Variants in AK7 observed in about 807,000 individuals in gnomAD.
The protein encoded by AK7 is adenylate kinase 7, also known as ATP-AMP transphosphorylase 7.
Under a neutral mutation model 96.6 loss-of-function variants are expected in AK7, and 78 were observed. The observed-to-expected ratio is 0.81, with a 90% CI of 0.67 to 0.97. AK7 has a LOEUF of 0.97. AK7 is among the 50% of genes least tolerant of loss of function. The pLI is 0.00. For synonymous variants in AK7, 302 were observed against 317.2 expected (o/e 0.95, Z 0.51); for missense variants, 855 against 887.9 (o/e 0.96, Z 0.47).
chr14:96,408,748 TG>T, intron 3 of AK7, 98 bp from the exon 4 acceptor site: 2 of 992,510 alleles, frequency 2.0e-6, no homozygotes, highest in Non-Finnish European at 3.1e-6. Context: ...AACAGCACCC[TG>T]GTGTTAAGTG....
intron 4 of AK7, among the ~76,000 whole-genome samples, chr14:96,411,863 A>G (rs547092393): frequency 3.9e-5 from 6 of 152,266 alleles, no homozygotes; most frequent in Non-Finnish European, 8.8e-5. Flanking sequence ...AATCAGAAAG[A>G]AGACATGTTA....
intron 16 of AK7, among the ~76,000 whole-genome samples, chr14:96,484,718 T>C (rs1267329285): frequency 2.6e-5 from 4 of 152,248 alleles, no homozygotes; most frequent in Admixed American, 6.5e-5. Flanking sequence ...TTTTATACTT[T>C]TTAATTTTCC....
intron 10 of AK7, among the ~76,000 whole-genome samples, chr14:96,452,002 A>G (rs1040185493): frequency 1.3e-5 from 2 of 152,202 alleles, no homozygotes; most frequent in African/African-American, 4.8e-5. Context: ...CTGGGTATAC[A>G]TGTGGGAGGT....
chr14:96,485,998 G>A (rs1036593610), intron 16 of AK7, among the ~76,000 whole-genome samples: 8 of 151,838 alleles, frequency 5.3e-5, no homozygotes, highest in Non-Finnish European at 1.2e-4. Flanking sequence ...GGGTTTCACC[G>A]TGGTCTCGAT....
At chr14:96,480,222 A>G (rs1895436501) in intron 15 of AK7, among the ~76,000 whole-genome samples, 1 of 152,202 alleles carries the variant, frequency 6.6e-6, no homozygotes, top group Non-Finnish European at 1.5e-5. Flanking sequence ...ATCTGAGGTC[A>G]GGAGTTCAAG....
intron 5 of AK7, chr14:96,424,082 C>A: frequency 1.4e-6 from 1 of 702,934 alleles, no homozygotes. Flanking sequence ...CTGTTCTTCA[C>A]CTGGGTGGGA....
intron 5 of AK7, among the ~76,000 whole-genome samples, chr14:96,422,924 A>AT (rs1891793591): frequency 6.6e-6 from 1 of 152,268 alleles, no homozygotes; most frequent in Non-Finnish European, 1.5e-5. Flanking sequence ...GATGATGATG[A>AT]TTTTTCATTC....
chr14:96,404,145 C>G (rs1486498300), intron 2 of AK7, among the ~76,000 whole-genome samples: 1 of 85,440 alleles, frequency 1.2e-5, no homozygotes, highest in Non-Finnish European at 2.1e-5. Context: ...AACTGTGTCT[C>G]AAATTAAAAA....
At chr14:96,406,049 G>A (rs1220328997) in intron 3 of AK7, among the ~76,000 whole-genome samples, 3 of 124,508 alleles carry the variant, frequency 2.4e-5, no homozygotes, top group African/African-American at 9.6e-5. Flanking sequence ...TCCCCCCAAA[G>A]CAACCTCATT....
intron 4 of AK7, among the ~76,000 whole-genome samples, chr14:96,420,155 T>C (rs548967636): frequency 6.6e-6 from 1 of 151,020 alleles, no homozygotes; most frequent in African/African-American, 2.4e-5. Flanking sequence ...CATGAGCCAC[T>C]GCGCCTGGCC....
At chr14:96,486,472 G>T (rs1895777885) in intron 16 of AK7, among the ~76,000 whole-genome samples, 2 of 152,162 alleles carry the variant, frequency 1.3e-5, no homozygotes, top group Non-Finnish European at 2.9e-5. Flanking sequence ...GAGCTGGCTG[G>T]ATGATGGGCT....
chr14:96,466,944 C>T (rs926758646), intron 12 of AK7, among the ~76,000 whole-genome samples: 3 of 150,942 alleles, frequency 2.0e-5, no homozygotes, highest in Non-Finnish European at 2.9e-5. Flanking sequence ...AAGTCTCGGG[C>T]AGCAATGCAC....
At chr14:96,398,505 T>G (rs1890219519) in intron 2 of AK7, 2 of 535,858 alleles carry the variant, frequency 3.7e-6, no homozygotes, top group Non-Finnish European at 6.7e-6. Flanking sequence ...AGTTGGACTT[T>G]CAGACTCATA....
intron 4 of AK7, among the ~76,000 whole-genome samples, chr14:96,420,483 C>T (rs987104421): frequency 3.3e-5 from 5 of 151,592 alleles, no homozygotes; most frequent in Admixed American, 6.6e-5. Flanking sequence ...TAGGAGGATG[C>T]TACTATCATC....
At chr14:96,420,363 C>T (rs1383243617) in intron 4 of AK7, among the ~76,000 whole-genome samples, 1 of 151,436 alleles carries the variant, frequency 6.6e-6, no homozygotes, top group Non-Finnish European at 1.5e-5. Context: ...GGTGTGGTGG[C>T]ACGCACCTGT....
intron 5 of AK7, among the ~76,000 whole-genome samples, chr14:96,431,126 G>A (rs1293065099): frequency 6.6e-6 from 1 of 152,006 alleles, no homozygotes; most frequent in Non-Finnish European, 1.5e-5. Flanking sequence ...CATTTTTATT[G>A]CATCTATTTG....
intron 13 of AK7, among the ~76,000 whole-genome samples, chr14:96,471,911 A>G (rs1057221813): frequency 2.0e-5 from 3 of 152,162 alleles, no homozygotes; most frequent in African/African-American, 4.8e-5. Flanking sequence ...ATCGTTGGCT[A>G]TAGGCACTGT....
chr14:96,417,660 G>T (rs1405293527), intron 4 of AK7, among the ~76,000 whole-genome samples: 1 of 152,146 alleles, frequency 6.6e-6, no homozygotes, highest in Non-Finnish European at 1.5e-5. Context: ...CAACCTTCTA[G>T]CCAGCCTCAG....
chr14:96,409,345 G>A (rs936702518), intron 4 of AK7, among the ~76,000 whole-genome samples: 1 of 152,242 alleles, frequency 6.6e-6, no homozygotes, highest in African/African-American at 2.4e-5. Context: ...GCCGAGGCGG[G>A]TGGACCATCT....
Sources: allele counts gnomAD v4.1 joint callset (sites outside exome capture counted in the v4.1 genomes callset), GRCh38; gene constraint gnomAD v4.1.1; transcripts MANE v1.5; gene names NCBI Gene and HGNC (gene_info 2026-07-23, HGNC 2026-07-21).